PEG3: variants seen among roughly 807,000 people sequenced by gnomAD.
The protein encoded by PEG3 is paternally-expressed gene 3 protein.
PEG3 carries 23 observed loss-of-function variants against 35.5 expected under a neutral mutation model. The ratio of observed to expected loss-of-function variants is 0.65; its 90% CI spans 0.47 to 0.92. The LOEUF is 0.92. PEG3 is among the 40% of genes least tolerant of loss of function. PEG3 has a pLI of 0.00. For synonymous variants in PEG3, 707 were observed against 697.0 expected (o/e 1.01, Z -0.23); for missense variants, 1,960 against 1,985.3 (o/e 0.99, Z 0.24).
chr19:56,830,738 C>A (rs192880493), intron 2 of PEG3, among the ~76,000 whole-genome samples: 1 of 151,908 alleles, frequency 6.6e-6, no homozygotes, highest in African/African-American at 2.4e-5. Context: ...ACAAAGTTAC[C>A]TGCAACTTCA....
At chr19:56,838,922 G>C (rs941834107) in intron 1 of PEG3, among the ~76,000 whole-genome samples, 1 of 152,222 alleles carries the variant, frequency 6.6e-6, no homozygotes, top group Non-Finnish European at 1.5e-5. Context: ...CACCCAGGTG[G>C]GCGGGGCTTG....
intron 1 of PEG3, among the ~76,000 whole-genome samples, chr19:56,836,690 T>C (rs2146654714): frequency 6.6e-6 from 1 of 152,224 alleles, no homozygotes; most frequent in South Asian, 2.1e-4. Context: ...ATTCAAAGGA[T>C]GGGCGCAGTG....
Position 56,810,456 on chromosome 19 carries a change from C to G in PEG3, c.*3219G>C. 3.0e-6 allele frequency: 3 copies of G among 984,350 alleles called. No homozygotes were observed. The highest frequency in any genetic ancestry group is 2.4e-6 in the Non-Finnish European group (2 of 828,970). The allele number at this position is 984,350 out of a possible 1,614,324, so 61.0% of individuals were successfully genotyped here. A position where few individuals can be genotyped will look rare whatever the true frequency, so the allele number is the denominator to read the frequency against. On this transcript the variant is annotated 3_prime_UTR_variant, in exon 10 of 10. Transcript: ENST00000326441. ...TTTATGCATACTTATCACTAACACC[C>G]TAATAATCACAGACTAGTGCACAGA...
In PEG3 at chr19:56,816,583, A is replaced by C. The variant is rs886457222; in HGVS notation, c.1859T>G (p.Met620Arg). The change falls in exon 10 of 10, where the codon ATG (methionine) becomes AGG (arginine). Residue 620 changes from methionine (M) to arginine (R), a missense_variant. Around this residue, in one of 5 missense-constraint regions of PEG3, gnomAD observed 798 missense variants for 782.4 expected, o/e 1.02. Transcript: ENST00000326441. ...TTCGTACATTTTCTCTTTACCATACATTTTCTGAAACTCATTAAGGGCTGG... is the reference window on the plus strand; with the variant it reads ...TTCGTACATTTTCTCTTTACCATACCTTTTCTGAAACTCATTAAGGGCTGG... ...PSPALNEFQK[M>R]YGKEKMYECK... is the part of the protein sequence containing the mutation. The C allele has an allele frequency of 2.5e-6, 4 of 1,613,670 alleles. No individual in the cohort carries two copies. The African/African-American group carries it at 4.0e-5, about 16-fold the overall frequency.
chr19:56,823,736 C>A, intron 4 of PEG3, 57 bp from the exon 5 acceptor site: 1 of 1,582,236 alleles, frequency 6.3e-7, no homozygotes, highest in Non-Finnish European at 8.7e-7. Context: ...CACAATAGTT[C>A]CCCCCAATCC....
Position 56,834,037 on chromosome 19 carries a change from T to G in PEG3, c.-163+1981A>C, listed in dbSNP as rs144766340. ...AAGAGAGGAAATAATATCTAAGAGT[T>G]CAGTCTTATGACCAGCACAAAATGG... is the stretch of plus-strand genomic sequence containing the variant. On this transcript the variant is annotated intron_variant, in intron 2 of 9. Coordinates refer to ENST00000326441, the MANE Select transcript of PEG3 (RefSeq NM_006210.3). Among the ~76,000 whole-genome samples, 382 of 152,354 alleles carry G rather than the reference T, an allele frequency of 2.5e-3. 2 individuals carry two copies. Among genetic ancestry groups the G allele is most frequent in the South Asian group, 0.012 (56 of 4,828 alleles).
At chr19:56,818,944 T>C (rs1294865203) in intron 7 of PEG3, among the ~76,000 whole-genome samples, 1 of 152,204 alleles carries the variant, frequency 6.6e-6, no homozygotes, top group African/African-American at 2.4e-5. Context: ...ATGCAGCTTA[T>C]AATTTGGTTG....
chr19:56,825,728 G>A (rs1321060761), intron 3 of PEG3, among the ~76,000 whole-genome samples: 2 of 151,906 alleles, frequency 1.3e-5, no homozygotes, highest in African/African-American at 2.4e-5. Context: ...ACTACCTACT[G>A]GCTTTACTTC....
At chr19:56,837,240 T>G (rs888857821) in intron 1 of PEG3, among the ~76,000 whole-genome samples, 1 of 151,816 alleles carries the variant, frequency 6.6e-6, no homozygotes, top group African/African-American at 2.4e-5. Flanking sequence ...ACCCTACCTA[T>G]GGGGCAGCCC....
At chr19:56,824,928 C>T (rs2060874372) in intron 3 of PEG3, 187 bp from the exon 4 acceptor site, 1 of 375,322 alleles carries the variant, frequency 2.7e-6, no homozygotes, top group Admixed American at 4.1e-5. Flanking sequence ...TCACAGAGAC[C>T]TACTCGAGGA....
Position 56,817,532 on chromosome 19 carries a change from T to A in PEG3, c.910A>T (p.Ile304Phe), listed in dbSNP as rs772276464. The A allele has an allele frequency of 6.3e-7, 1 of 1,598,456 alleles. No individual in the cohort carries two copies. Among genetic ancestry groups the A allele is most frequent in the East Asian group, 2.2e-5 (1 of 44,644 alleles). ...CCGTGGGAAGATTCATCTTCACAAA[T>A]CCCCCGCCGGTGGGTTGATTTTTTG... ...EAKKSTHRRG[I>F]CEDESSHGVI... The change falls in exon 10 of 10, where the codon ATT (isoleucine) becomes TTT (phenylalanine). Residue 304 changes from isoleucine (I) to phenylalanine (F), a missense_variant. This residue lies in a region of PEG3 where 613 missense variants were observed against 577.1 expected (regional missense o/e 1.06). Coordinates refer to ENST00000326441, the MANE Select transcript of PEG3 (RefSeq NM_006210.3).
At position 56,815,592 on chromosome 19, in the gene PEG3, A is replaced by C; in HGVS notation, c.2850T>G (p.Ser950=). ...CACCAAAAGGCAGAGAGTGAATTACAGAGGTCTCATTGCTCCTATGCTCAA... is the reference window on the plus strand; with the variant it reads ...CACCAAAAGGCAGAGAGTGAATTACCGAGGTCTCATTGCTCCTATGCTCAA... ...KYIEHRSNET[S]VIHSLPFGEQ... Residue 950 remains serine, a synonymous_variant, in exon 10 of 10, where the codon TCT becomes TCG. Coordinates refer to ENST00000326441, the MANE Select transcript of PEG3 (RefSeq NM_006210.3). The C allele has an allele frequency of 6.2e-7, 1 of 1,614,190 alleles. No homozygotes were observed. The highest frequency in any genetic ancestry group is 1.3e-5 in the African/African-American group (1 of 75,064).
intron 2 of PEG3, among the ~76,000 whole-genome samples, chr19:56,831,868 A>C (rs922554894): frequency 6.6e-6 from 1 of 152,238 alleles, no homozygotes; most frequent in Non-Finnish European, 1.5e-5. Flanking sequence ...ATTCCCATTT[A>C]CGTGTACACA....
In PEG3 at chr19:56,816,630, G is replaced by A. The variant is rs143113379; in HGVS notation, c.1812C>T (p.Arg604=). The change falls in exon 10 of 10, where the codon CGC becomes CGT. Residue 604 remains arginine, a synonymous_variant. Transcript: ENST00000326441. ...CTGGGCTGGGCCTAAAGGTTTCCCCGCGCTCACGTTCACGTTCACGTTCAT... is the reference window on the plus strand; with the variant it reads ...CTGGGCTGGGCCTAAAGGTTTCCCCACGCTCACGTTCACGTTCACGTTCAT... ...REHERERERE[R]GETFRPSPAL... is the part of the protein sequence containing the mutation. The A allele has an allele frequency of 1.8e-5, 29 of 1,611,948 alleles. No homozygotes were observed. In the Middle Eastern group the frequency reaches 8.2e-4, roughly 46 times the overall value.
At position 56,823,573 on chromosome 19, in the gene PEG3, T is replaced by G. The variant is rs776403611; in HGVS notation, c.481+20A>C. ...GCAGCGCCTGCCCATGGGTGACCAG[T>G]GGGGATGGGTACTCACCACTGAAAG... On this transcript the variant is annotated intron_variant, in intron 5 of 9. Transcript: ENST00000326441. 58 of 1,613,832 alleles carry G rather than the reference T, an allele frequency of 3.6e-5. No homozygotes were observed. Among genetic ancestry groups the G allele is most frequent in the East Asian group, 1.1e-4 (5 of 44,868 alleles).
chr19:56,819,855 C>CA (rs1313172634), intron 7 of PEG3, among the ~76,000 whole-genome samples: 8 of 151,272 alleles, frequency 5.3e-5, no homozygotes, highest in Admixed American at 1.3e-4. Context: ...AAAAATGTAG[C>CA]AAAAAAAAGA....
chr19:56,820,800 G>T (rs141968911), intron 7 of PEG3, among the ~76,000 whole-genome samples: 95 of 152,332 alleles, frequency 6.2e-4, no homozygotes, highest in African/African-American at 2.3e-3. Context: ...TCAGGGCAGG[G>T]CCCCTCTCTG....
intron 2 of PEG3, among the ~76,000 whole-genome samples, chr19:56,827,539 C>T (rs1009044303): frequency 5.3e-5 from 8 of 152,032 alleles, no homozygotes; most frequent in African/African-American, 1.4e-4. Flanking sequence ...TTTGTATGCA[C>T]GGGAAGAAAC....
intron 1 of PEG3, among the ~76,000 whole-genome samples, chr19:56,837,693 C>G (rs1480528870): frequency 6.6e-6 from 1 of 152,250 alleles, no homozygotes; most frequent in African/African-American, 2.4e-5. Context: ...GCAGGCCCCA[C>G]CCATGAACCG....
Sources: gnomAD v4.1 joint callset for allele counts (sites outside exome capture counted in the v4.1 genomes callset) on GRCh38, gnomAD v4.1.1 for gene constraint, gnomAD v4.1.1 regional missense constraint, MANE v1.5 for transcripts, NCBI Gene and HGNC (gene_info 2026-07-23, HGNC 2026-07-21) for gene names.